The following MAGI2 variants were observed in gnomAD, a reference collection of about 807,000 sequenced individuals.
MAGI2 encodes membrane-associated guanylate kinase, WW and PDZ domain-containing protein 2.
Under a neutral mutation model 133.3 loss-of-function variants are expected in MAGI2, and 35 were observed. The observed-to-expected ratio is 0.26, with a 90% confidence interval of 0.20 to 0.35. MAGI2 has a LOEUF of 0.35. Ranked by LOEUF, MAGI2 falls within the 10% of genes least tolerant of loss-of-function variation. The pLI, the probability that MAGI2 is intolerant of heterozygous loss-of-function variation, is 1.00. For missense variants in MAGI2, 1,636 were observed against 1,863.4 expected, an observed-to-expected ratio of 0.88 and a Z score of 2.25; for synonymous variants, 729 against 710.6, an observed-to-expected ratio of 1.03 and a Z score of -0.41.
chr7:78,945,384 A>G (rs1217336060), intron 2 of MAGI2, among the ~76,000 whole-genome samples: 1 of 152,130 alleles, frequency 6.6e-6, no homozygotes, highest in African/African-American at 2.4e-5. Context: ...AATAGATAAC[A>G]TTGTATGTTT....
chr7:78,557,563 G>T (rs891594717), intron 3 of MAGI2, among the ~76,000 whole-genome samples: 5 of 152,092 alleles, frequency 3.3e-5, no homozygotes, highest in African/African-American at 4.8e-5. Context: ...GGCTCCCAGG[G>T]CTTCTCCACT....
chr7:78,145,779 A>T (rs1389970513), intron 16 of MAGI2, among the ~76,000 whole-genome samples: 2 of 152,186 alleles, frequency 1.3e-5, no homozygotes, highest in African/African-American at 4.8e-5. Flanking sequence ...GTGGACTAAG[A>T]TGGCTACCTC....
intron 10 of MAGI2, chr7:78,252,310 A>G (rs36055314): frequency 6.6e-6 from 1 of 152,240 alleles, no homozygotes; most frequent in South Asian, 2.1e-4. Flanking sequence ...TGGTAGTAGC[A>G]CAAGAATAGA....
intron 1 of MAGI2, among the ~76,000 whole-genome samples, chr7:79,102,714 T>G (rs1818090991): frequency 6.6e-6 from 1 of 152,184 alleles, no homozygotes; most frequent in African/African-American, 2.4e-5. Flanking sequence ...TTCAGTCAAT[T>G]TAAAGACATT....
In MAGI2 at chr7:78,240,484, T is replaced by G. The variant is rs1283142191; in HGVS notation, c.2047+15459A>C. 2.0e-5 allele frequency among the ~76,000 whole-genome samples: 3 copies of G among 152,204 alleles called. No individual in the cohort carries two copies. The East Asian group carries it at 5.8e-4, about 29-fold the overall frequency. ...TAAAAAAGAATAAAGTCCTGTCATT[T>G]GCAACAGCGTGGGTGAACTAAAGCA... On this transcript the variant is annotated intron_variant, in intron 10 of 21. Transcript: ENST00000354212.
chr7:78,145,006 C>T (rs961856020), intron 16 of MAGI2, among the ~76,000 whole-genome samples: 1 of 152,034 alleles, frequency 6.6e-6, no homozygotes, highest in Admixed American at 6.6e-5. Context: ...CCTGCTGATT[C>T]ACTCTTTCAT....
intron 21 of MAGI2, among the ~76,000 whole-genome samples, chr7:78,033,931 C>G (rs1284359118): frequency 6.6e-6 from 1 of 152,136 alleles, no homozygotes; most frequent in Non-Finnish European, 1.5e-5. Flanking sequence ...ATTTTTTAAG[C>G]AGGAGAGTGA....
chr7:78,945,208 T>G (rs1414087219), intron 2 of MAGI2, among the ~76,000 whole-genome samples: 1 of 151,744 alleles, frequency 6.6e-6, no homozygotes, highest in Non-Finnish European at 1.5e-5. Flanking sequence ...AGCATAGGCG[T>G]GCATCCCCAC....
In MAGI2 at chr7:78,019,257, C is replaced by G. The variant is rs1808034220; in HGVS notation, c.*58G>C. The G allele has an allele frequency of 6.4e-7, 1 of 1,560,992 alleles. No homozygotes were observed. Among genetic ancestry groups the G allele is most frequent in the Non-Finnish European group, 8.6e-7 (1 of 1,157,860 alleles). The stretch of plus-strand genomic sequence containing the variant: ...GAAAATAAATTAAAACGCCGTGAGA[C>G]GGAACCTAAGAAGAACTGCCTGCGC... On this transcript the variant is annotated 3_prime_UTR_variant, in exon 22 of 22. Transcript: ENST00000354212.
intron 16 of MAGI2, among the ~76,000 whole-genome samples, chr7:78,136,197 G>T (rs938033167): frequency 3.3e-5 from 5 of 151,536 alleles, no homozygotes; most frequent in African/African-American, 1.2e-4. Context: ...CTCACTGCAA[G>T]CTCTGCCTGC....
At chr7:78,243,661 T>C (rs2150915590) in intron 10 of MAGI2, among the ~76,000 whole-genome samples, 1 of 152,290 alleles carries the variant, frequency 6.6e-6, no homozygotes, top group South Asian at 2.1e-4. Flanking sequence ...AGTTAATATA[T>C]TGTCAGCATA....
intron 2 of MAGI2, among the ~76,000 whole-genome samples, chr7:78,878,090 G>A (rs1252776813): frequency 6.6e-6 from 1 of 152,168 alleles, no homozygotes; most frequent in Non-Finnish European, 1.5e-5. Context: ...CACCCACAAA[G>A]TCATGGTGAA....
intron 2 of MAGI2, among the ~76,000 whole-genome samples, chr7:78,837,310 A>G (rs935622230): frequency 6.6e-6 from 1 of 151,980 alleles, no homozygotes; most frequent in African/African-American, 2.4e-5. Flanking sequence ...AGCCTATCCT[A>G]CTCTAGCTTC....
chr7:79,213,608 T>C (rs989972991), intron 1 of MAGI2, among the ~76,000 whole-genome samples: 1 of 152,084 alleles, frequency 6.6e-6, no homozygotes, highest in Non-Finnish European at 1.5e-5. Context: ...CATCTCAGTC[T>C]AGAAGTCTCT....
Position 78,681,385 on chromosome 7 carries a change from T to C in MAGI2, c.419-54146A>G, listed in dbSNP as rs1288032338. Among the ~76,000 whole-genome samples, 4 of 152,316 alleles carry C rather than the reference T, an allele frequency of 2.6e-5. No homozygotes were observed. The East Asian group carries it at 5.8e-4, about 22-fold the overall frequency. On this transcript the variant is annotated intron_variant, in intron 2 of 21. Transcript: ENST00000354212. ...TAAGCCATAAAGAAATAATTTATAA[T>C]AACAACAACTGTCACTTACTATTAC...
intron 1 of MAGI2, among the ~76,000 whole-genome samples, chr7:79,416,384 G>A (rs1846513917): frequency 6.6e-6 from 1 of 151,892 alleles, no homozygotes; most frequent in Admixed American, 6.6e-5. Context: ...GAGAGAGAGA[G>A]AAGGAAGGGG....
At chr7:78,885,300 T>C (rs746024450) in intron 2 of MAGI2, among the ~76,000 whole-genome samples, 1 of 152,270 alleles carries the variant, frequency 6.6e-6, no homozygotes, top group South Asian at 2.1e-4. Context: ...AGCCCCTGAA[T>C]GTAAAATAAA....
chr7:78,244,824 G>T (rs952602866), intron 10 of MAGI2, among the ~76,000 whole-genome samples: 1 of 141,566 alleles, frequency 7.1e-6, no homozygotes, highest in Non-Finnish European at 1.5e-5. Context: ...CATCTCCAAA[G>T]ATGGCAAAAA....
intron 9 of MAGI2, among the ~76,000 whole-genome samples, chr7:78,281,939 T>A (rs1258561493): frequency 6.6e-6 from 1 of 151,696 alleles, no homozygotes; most frequent in Non-Finnish European, 1.5e-5. Context: ...ATTTCTCCCA[T>A]TCACTTTCAT....
Sources: gnomAD v4.1 joint callset for allele counts (sites outside exome capture counted in the v4.1 genomes callset) on GRCh38, gnomAD v4.1.1 for gene constraint, MANE v1.5 for transcripts, NCBI Gene and HGNC (gene_info 2026-07-23, HGNC 2026-07-21) for gene names.